Variants in SORCS2 observed in about 807,000 individuals in gnomAD.
SORCS2 encodes the protein sortilin related VPS10 domain containing receptor 2, also known as VPS10 domain-containing receptor SorCS2.
SORCS2 carries 100 observed loss-of-function variants against 141.6 expected under a neutral mutation model. That is an observed-to-expected ratio of 0.71 (90% confidence interval 0.60 to 0.83). SORCS2 has a LOEUF of 0.83. SORCS2 is among the 40% of genes least tolerant of loss of function. The probability of loss-of-function intolerance (pLI) is 0.00; values close to 1 mark genes in which losing one functional copy is unlikely to be tolerated. For synonymous variants in SORCS2, 789 were observed against 676.9 expected, an observed-to-expected ratio of 1.17 and a Z score of -2.57; for missense variants, 1,646 against 1,560.2, an observed-to-expected ratio of 1.05 and a Z score of -0.93.
At position 7,664,260 on chromosome 4, in the gene SORCS2, G is replaced by T; in HGVS notation, c.953-93G>T. 3 of 972,828 alleles carry T rather than the reference G, an allele frequency of 3.1e-6. No homozygotes were observed. The highest frequency in any genetic ancestry group is 4.7e-6 in the Non-Finnish European group (3 of 641,714). The allele number at this position is 972,828 out of a possible 1,614,324, so 60.3% of individuals were successfully genotyped here. On this transcript the variant is annotated intron_variant, in intron 6 of 26. Coordinates refer to ENST00000507866, the MANE Select transcript of SORCS2 (RefSeq NM_020777.3). This position sits in a 1 kb window ranked among gnomAD's most constrained non-coding sequence, Gnocchi z 4.7. ...AAGCCCATGAAGCCACACCACAGCG[G>T]TATTGGAGGAAGATGGAGTCCAGCA...
At position 7,292,697 on chromosome 4, in the gene SORCS2, G is replaced by A. The variant is rs1032763261; in HGVS notation, c.480+99571G>A. 3.3e-5 allele frequency among the ~76,000 whole-genome samples: 5 copies of A among 152,294 alleles called. No individual in the cohort carries two copies. In the South Asian group the frequency reaches 1.0e-3, roughly 32 times the overall value. The stretch of plus-strand genomic sequence containing the variant: ...GACATCTGTCTGCCTGTGTCCAGCT[G>A]GGATGGCTAGAGTCAGGCAGGGCAG... On this transcript the variant is annotated intron_variant, in intron 1 of 26. Coordinates refer to ENST00000507866, the MANE Select transcript of SORCS2 (RefSeq NM_020777.3).
chr4:7,708,808 C>T (rs1430274789), intron 14 of SORCS2, among the ~76,000 whole-genome samples: 3 of 152,202 alleles, frequency 2.0e-5, no homozygotes, highest in Non-Finnish European at 2.9e-5. Flanking sequence ...TCAAAGAATT[C>T]ATCCCTGAGG....
At chr4:7,486,254 G>A (rs1329656500) in intron 2 of SORCS2, among the ~76,000 whole-genome samples, 1 of 35,992 alleles carries the variant, frequency 2.8e-5, no homozygotes, top group African/African-American at 1.1e-4. Flanking sequence ...CCTGTCCCAG[G>A]TCACAGCCCA....
At chr4:7,566,010 ATGATGGTGATGATGG>A (rs1714971751) in intron 3 of SORCS2, among the ~76,000 whole-genome samples, 1 of 2,716 alleles carries the variant, frequency 3.7e-4, no homozygotes, top group South Asian at 0.013. Context: ...GATGGTGATA[ATGATGGTGATGATGG>A]TGATAATGAT....
intron 3 of SORCS2, among the ~76,000 whole-genome samples, chr4:7,546,424 C>G (rs540717244): frequency 6.6e-6 from 1 of 152,188 alleles, no homozygotes; most frequent in African/African-American, 2.4e-5. Context: ...CGCTGCCCCC[C>G]ACCTCCCTGC....
At chr4:7,698,988 G>A (rs1465223568) in intron 12 of SORCS2, among the ~76,000 whole-genome samples, 1 of 152,244 alleles carries the variant, frequency 6.6e-6, no homozygotes, top group Non-Finnish European at 1.5e-5. Context: ...CAGGTTGCCA[G>A]GGATGCAGTG....
chr4:7,304,460 G>A (rs996843380), intron 1 of SORCS2, among the ~76,000 whole-genome samples: 1 of 152,196 alleles, frequency 6.6e-6, no homozygotes, highest in Non-Finnish European at 1.5e-5. Context: ...GGCGGATGCG[G>A]GTGGGTCGGC....
chr4:7,400,852 T>C (rs1724538050), intron 2 of SORCS2, among the ~76,000 whole-genome samples: 1 of 151,638 alleles, frequency 6.6e-6, no homozygotes, highest in Non-Finnish European at 1.5e-5. Context: ...GGGAGATGGA[T>C]GGATGGATGG....
Position 7,438,777 on chromosome 4 carries a change from C to T in SORCS2, c.548+42422C>T, listed in dbSNP as rs979276834. 5.9e-5 allele frequency among the ~76,000 whole-genome samples: 9 copies of T among 152,072 alleles called. 1 individual carries two copies. The highest frequency in any genetic ancestry group is 2.1e-4 in the South Asian group (1 of 4,806). ...TCCAACACACCTGTCCCACTTGCTTCGAGGTTCTCACTACCCCTCCCTCCT... is the reference window on the plus strand; with the variant it reads ...TCCAACACACCTGTCCCACTTGCTTTGAGGTTCTCACTACCCCTCCCTCCT... On this transcript the variant is annotated intron_variant, in intron 2 of 26. Coordinates refer to ENST00000507866, the MANE Select transcript of SORCS2 (RefSeq NM_020777.3).
intron 9 of SORCS2, among the ~76,000 whole-genome samples, chr4:7,676,837 C>CTCTCT (rs1723174458): frequency 3.7e-5 from 5 of 134,128 alleles, no homozygotes; most frequent in Admixed American, 1.5e-4. Context: ...CTCCCTCTCT[C>CTCTCT]CACCCCAGCC....
intron 11 of SORCS2, among the ~76,000 whole-genome samples, chr4:7,690,311 G>T (rs1724150419): frequency 7.2e-6 from 1 of 138,568 alleles, no homozygotes; most frequent in African/African-American, 2.7e-5. Context: ...ATGGTGAATG[G>T]GTGGTGGATA....
At chr4:7,705,403 G>GAGTTCAT (rs1725367449) in intron 14 of SORCS2, among the ~76,000 whole-genome samples, 1 of 152,242 alleles carries the variant, frequency 6.6e-6, no homozygotes. Context: ...GAAGCCAGCA[G>GAGTTCAT]AGTTCATGGT....
chr4:7,560,722 A>G (rs1714474725), intron 3 of SORCS2, among the ~76,000 whole-genome samples: 1 of 152,068 alleles, frequency 6.6e-6, no homozygotes, highest in African/African-American at 2.4e-5. Flanking sequence ...CTTCTTACCC[A>G]TCCTCAAGCC....
chr4:7,305,160 T>C (rs537293687), intron 1 of SORCS2, among the ~76,000 whole-genome samples: 2 of 151,936 alleles, frequency 1.3e-5, no homozygotes, highest in Non-Finnish European at 2.9e-5. Context: ...GCCTCCCGAG[T>C]AGCTGGGACT....
intron 1 of SORCS2, among the ~76,000 whole-genome samples, chr4:7,249,911 C>T (rs1029817849): frequency 1.3e-5 from 2 of 152,162 alleles, no homozygotes; most frequent in African/African-American, 4.8e-5. Flanking sequence ...TGTGAGCATG[C>T]CCTCAGCAGG....
intron 4 of SORCS2, among the ~76,000 whole-genome samples, chr4:7,645,455 GTA>G (rs1197230943): frequency 6.6e-6 from 1 of 152,126 alleles, no homozygotes; most frequent in Non-Finnish European, 1.5e-5. Context: ...GTGTTTGTGA[GTA>G]TGTATATGCA....
At chr4:7,571,689 G>A (rs1331513031) in intron 3 of SORCS2, among the ~76,000 whole-genome samples, 1 of 152,088 alleles carries the variant, frequency 6.6e-6, no homozygotes, top group Non-Finnish European at 1.5e-5. Flanking sequence ...AAGAAATTGG[G>A]GGCCTGTGCT....
chr4:7,327,371 C>G (rs1337242477), intron 1 of SORCS2, among the ~76,000 whole-genome samples: 1 of 152,202 alleles, frequency 6.6e-6, no homozygotes, highest in African/African-American at 2.4e-5. Flanking sequence ...TTCACGTGGC[C>G]CCTCCCTGTG....
intron 1 of SORCS2, among the ~76,000 whole-genome samples, chr4:7,240,325 C>G (rs1384263081): frequency 1.3e-5 from 2 of 152,210 alleles, no homozygotes; most frequent in Non-Finnish European, 2.9e-5. Flanking sequence ...TCAGGTTTTA[C>G]TTCTGTAAAA....
Sources: allele counts gnomAD v4.1 joint callset (sites outside exome capture counted in the v4.1 genomes callset), GRCh38; gene constraint gnomAD v4.1.1; non-coding constraint Gnocchi (gnomAD v3.1); transcripts MANE v1.5; gene names NCBI Gene and HGNC (gene_info 2026-07-23, HGNC 2026-07-21).